CNTNAP2: variants seen among roughly 807,000 people sequenced by gnomAD.
CNTNAP2 encodes the protein contactin associated protein 2, also known as contactin-associated protein-like 2.
CNTNAP2 carries 98 observed loss-of-function variants against 155.2 expected under a neutral mutation model. The ratio of observed to expected loss-of-function variants is 0.63; its 90% CI spans 0.54 to 0.75. The LOEUF is 0.75. CNTNAP2 is among the 30% of genes least tolerant of loss of function. The pLI is 0.00. For missense variants in CNTNAP2, 1,727 were observed against 1,688.1 expected (o/e 1.02, Z -0.40); for synonymous variants, 651 against 631.2 (o/e 1.03, Z -0.47).
chr7:147,834,251 C>A (rs747508876), intron 13 of CNTNAP2, among the ~76,000 whole-genome samples: 4 of 152,170 alleles, frequency 2.6e-5, no homozygotes, highest in Non-Finnish European at 5.9e-5. Context: ...GGGAACCCAG[C>A]TAAATTTTTC....
intron 14 of CNTNAP2, among the ~76,000 whole-genome samples, chr7:147,922,357 T>C (rs1266409749): frequency 6.6e-6 from 1 of 152,184 alleles, no homozygotes; most frequent in Non-Finnish European, 1.5e-5. Flanking sequence ...TCACTGACAC[T>C]AACATGGCAG....
chr7:148,057,482 G>A (rs546713881), intron 15 of CNTNAP2, among the ~76,000 whole-genome samples: 1 of 152,312 alleles, frequency 6.6e-6, no homozygotes, highest in East Asian at 1.9e-4. Context: ...AATAAGAGTA[G>A]TAATACACAC....
intron 3 of CNTNAP2, among the ~76,000 whole-genome samples, chr7:147,011,540 C>G (rs1166777152): frequency 6.6e-6 from 1 of 151,218 alleles, no homozygotes; most frequent in Admixed American, 6.6e-5. Flanking sequence ...GAACTGGATC[C>G]TTTTGGTATT....
At chr7:147,328,247 A>T (rs191681879) in intron 9 of CNTNAP2, among the ~76,000 whole-genome samples, 2 of 152,344 alleles carry the variant, frequency 1.3e-5, no homozygotes, top group East Asian at 1.9e-4. Flanking sequence ...ATCCACGATA[A>T]AGAGGGAGAG....
At chr7:147,525,054 G>A (rs570082266) in intron 11 of CNTNAP2, among the ~76,000 whole-genome samples, 13 of 152,300 alleles carry the variant, frequency 8.5e-5, no homozygotes, top group African/African-American at 2.6e-4. Flanking sequence ...AGGGAAAGTC[G>A]GGGGCTGGCA....
chr7:147,683,567 A>G (rs773386218), intron 13 of CNTNAP2, among the ~76,000 whole-genome samples: 14 of 151,840 alleles, frequency 9.2e-5, no homozygotes, highest in Non-Finnish European at 1.8e-4. Context: ...TATGAACAAC[A>G]ATTACCTTGT....
chr7:146,158,148 C>T (rs1164378913), intron 1 of CNTNAP2, among the ~76,000 whole-genome samples: 1 of 152,192 alleles, frequency 6.6e-6, no homozygotes, highest in East Asian at 1.9e-4. Flanking sequence ...CTCCAGCAAA[C>T]TCCAACAGAC....
At chr7:146,578,138 AT>A (rs1253961814) in intron 1 of CNTNAP2, among the ~76,000 whole-genome samples, 1 of 152,114 alleles carries the variant, frequency 6.6e-6, no homozygotes, top group Non-Finnish European at 1.5e-5. Context: ...TCGCTAAGTT[AT>A]TTTTGCCCAT....
At chr7:147,984,821 G>A (rs1322182159) in intron 15 of CNTNAP2, among the ~76,000 whole-genome samples, 3 of 152,022 alleles carry the variant, frequency 2.0e-5, no homozygotes, top group African/African-American at 7.2e-5. Flanking sequence ...ACTGTCAAAA[G>A]GACTATTTAC....
At chr7:146,222,526 G>T (rs1348210204) in intron 1 of CNTNAP2, among the ~76,000 whole-genome samples, 1 of 145,440 alleles carries the variant, frequency 6.9e-6, no homozygotes, top group Non-Finnish European at 1.5e-5. Flanking sequence ...AGTTAGTTTG[G>T]TATGACTAAA....
At position 148,334,846 on chromosome 7, in the gene CNTNAP2, G is replaced by A. The variant is rs570869392; in HGVS notation, c.3476-48803G>A. Among the ~76,000 whole-genome samples, 21 of 152,302 alleles carry A rather than the reference G, an allele frequency of 1.4e-4. No homozygotes were observed. In the South Asian group the frequency reaches 4.3e-3, roughly 32 times the overall value. ...GACTTTGGGAGAGTGGAGAGAAGGG[G>A]CCTCCTGAAAAGACACAGCCAGGGG... is the stretch of plus-strand genomic sequence containing the variant. On this transcript the variant is annotated intron_variant, in intron 21 of 23. Coordinates refer to ENST00000361727, the MANE Select transcript of CNTNAP2 (RefSeq NM_014141.6).
At chr7:147,490,350 A>G (rs1046507956) in intron 11 of CNTNAP2, among the ~76,000 whole-genome samples, 2 of 152,166 alleles carry the variant, frequency 1.3e-5, no homozygotes, top group Non-Finnish European at 2.9e-5. Context: ...TTAAATGTAA[A>G]CGGTAACAAT....
intron 3 of CNTNAP2, among the ~76,000 whole-genome samples, chr7:146,973,026 G>A (rs568541814): frequency 3.3e-5 from 5 of 152,086 alleles, no homozygotes; most frequent in Admixed American, 6.5e-5. Context: ...GTTATGTTTC[G>A]TTTCTCTCTC....
intron 13 of CNTNAP2, among the ~76,000 whole-genome samples, chr7:147,783,919 C>T (rs1322642636): frequency 6.6e-6 from 1 of 152,140 alleles, no homozygotes; most frequent in Non-Finnish European, 1.5e-5. Flanking sequence ...AGTTTGCAAG[C>T]CACCCAGTTT....
At chr7:147,238,342 T>A (rs1269214464) in intron 8 of CNTNAP2, among the ~76,000 whole-genome samples, 1 of 152,018 alleles carries the variant, frequency 6.6e-6, no homozygotes, top group Non-Finnish European at 1.5e-5. Flanking sequence ...AAATTTAGGG[T>A]CTACTACTAT....
chr7:148,306,451 T>G (rs1304609143), intron 21 of CNTNAP2, among the ~76,000 whole-genome samples: 1 of 152,192 alleles, frequency 6.6e-6, no homozygotes, highest in Non-Finnish European at 1.5e-5. Flanking sequence ...CCCCATGGAC[T>G]GATCTGTTAT....
At chr7:147,242,229 G>C (rs766815466) in intron 8 of CNTNAP2, among the ~76,000 whole-genome samples, 2 of 152,062 alleles carry the variant, frequency 1.3e-5, no homozygotes, top group African/African-American at 2.4e-5. Flanking sequence ...ATTCCAAAAT[G>C]CTTATTACCT....
intron 15 of CNTNAP2, among the ~76,000 whole-genome samples, chr7:148,111,189 G>A (rs1804342125): frequency 6.6e-6 from 1 of 152,176 alleles, no homozygotes; most frequent in Non-Finnish European, 1.5e-5. Flanking sequence ...GTAGGATAAT[G>A]TCAGAGATGT....
At chr7:148,214,226 C>A (rs189762214) in intron 18 of CNTNAP2, among the ~76,000 whole-genome samples, 363 of 152,342 alleles carry the variant, frequency 2.4e-3, no homozygotes, top group Non-Finnish European at 4.5e-3. Context: ...TCCTTCAGAG[C>A]AAGAGTTGTC....
Sources: gnomAD v4.1 joint callset for allele counts (sites outside exome capture counted in the v4.1 genomes callset) on GRCh38, gnomAD v4.1.1 for gene constraint, MANE v1.5 for transcripts, NCBI Gene and HGNC (gene_info 2026-07-23, HGNC 2026-07-21) for gene names.